The following TJP2 variants were observed in gnomAD, a reference collection of about 807,000 sequenced individuals.
TJP2 encodes Friedreich ataxia region gene X104 (tight junction protein ZO-2).
Under a neutral mutation model 133.1 loss-of-function variants are expected in TJP2, and 91 were observed. The ratio of observed to expected loss-of-function variants is 0.68; its 90% CI spans 0.58 to 0.81. The LOEUF (loss-of-function observed/expected upper bound fraction) is 0.81. TJP2 is among the 40% of genes least tolerant of loss of function. The pLI, the probability that TJP2 is intolerant of heterozygous loss-of-function variation, is 0.00. For missense variants in TJP2, 1,541 were observed against 1,565.6 expected, an observed-to-expected ratio of 0.98 and a Z score of 0.26; for synonymous variants, 592 against 583.4, an observed-to-expected ratio of 1.01 and a Z score of -0.21.
At chr9:69,252,167 C>T (rs1184758523) in intron 21 of TJP2, among the ~76,000 whole-genome samples, 1 of 151,790 alleles carries the variant, frequency 6.6e-6, no homozygotes, top group East Asian at 1.9e-4. Flanking sequence ...GCTAATTTTT[C>T]GTATTTTTTG....
rs373929942 is a variant in TJP2 at position 69,206,670 on chromosome 9, C to T, written c.61-5878C>T. ...TCGGCTCACTGCAAGCTCCACCTCCCGGGTTCGAGCCATTCTCCTGCCTCA... is the reference window on the plus strand; with the variant it reads ...TCGGCTCACTGCAAGCTCCACCTCCTGGGTTCGAGCCATTCTCCTGCCTCA... On this transcript the variant is annotated intron_variant, in intron 1 of 22. Coordinates refer to ENST00000377245, the MANE Select transcript of TJP2 (RefSeq NM_004817.4). Among the ~76,000 whole-genome samples the T allele has an allele frequency of 7.9e-5, 12 of 152,158 alleles. No individual in the cohort carries two copies. In the East Asian group the frequency reaches 1.4e-3, roughly 17 times the overall value.
At chr9:69,205,231 C>G in intron 1 of TJP2, 1 of 1,537,188 alleles carries the variant, frequency 6.5e-7, no homozygotes, top group Non-Finnish European at 8.7e-7. Flanking sequence ...ATGGAAAGGC[C>G]GTGTGAGTCC....
At chr9:69,161,669 T>C (rs1824081895) in intron 2 of TJP2, among the ~76,000 whole-genome samples, 1 of 151,822 alleles carries the variant, frequency 6.6e-6, no homozygotes, top group Admixed American at 6.6e-5. Flanking sequence ...TATTATATAT[T>C]ATTAATATTT....
intron 1 of TJP2, among the ~76,000 whole-genome samples, chr9:69,211,336 CAAACA>C (rs962921858): frequency 4.1e-4 from 62 of 152,174 alleles, no homozygotes; most frequent in African/African-American, 1.1e-3. Flanking sequence ...GACTCCGTCT[CAAACA>C]AAACAAAACA....
chr9:69,196,946 T>TACACACACACACAC (rs746386691), intron 1 of TJP2, among the ~76,000 whole-genome samples: 27,407 of 133,726 alleles, frequency 0.2, 2,946 homozygotes, highest in Admixed American at 0.31. Context: ...TGTGTGTGTG[T>TACACACACACACAC]ACACACACAC....
rs1403138543 is a variant in TJP2, at chr9:69,252,919, G to A, written c.3407+19G>A. 2 of 1,612,518 alleles carry A rather than the reference G, an allele frequency of 1.2e-6. No individual in the cohort carries two copies. Among genetic ancestry groups the A allele is most frequent in the African/African-American group, 2.7e-5 (2 of 74,916 alleles). On this transcript the variant is annotated intron_variant, in intron 22 of 22. Coordinates refer to ENST00000377245, the MANE Select transcript of TJP2 (RefSeq NM_004817.4). ...ACACGAGGTAAGGGCTGCCTAGTGGGTACAGGTCTAAGGCGGGGACTTCTC... is the reference window on the plus strand; with the variant it reads ...ACACGAGGTAAGGGCTGCCTAGTGGATACAGGTCTAAGGCGGGGACTTCTC...
chr9:69,159,473 T>C lies in TJP2; in HGVS notation c.-10+7702T>C, dbSNP rs562819439. On this transcript the variant is annotated intron_variant, in intron 2 of 5. Transcript: ENST00000423935. ...ATAAAATTATTTTTACTTCACATCT[T>C]AAGACTGGTTACTTAAAATAATTAA... Among the ~76,000 whole-genome samples, 238 of 152,374 alleles carry C rather than the reference T, an allele frequency of 1.6e-3. 1 individual carries two copies. Among genetic ancestry groups the C allele is most frequent in the African/African-American group, 5.5e-3 (230 of 41,594 alleles).
intron 1 of TJP2, among the ~76,000 whole-genome samples, chr9:69,131,234 T>C (rs1822482170): frequency 6.6e-6 from 1 of 152,204 alleles, no homozygotes; most frequent in Admixed American, 6.5e-5. Context: ...TTGTGTGTAT[T>C]TGCCTGCTCA....
At chr9:69,181,462 C>G (rs1825506350) in intron 1 of TJP2, among the ~76,000 whole-genome samples, 1 of 152,094 alleles carries the variant, frequency 6.6e-6, no homozygotes, top group Admixed American at 6.5e-5. Flanking sequence ...GTTGGCCAGG[C>G]TGGTCTCGAA....
chr9:69,228,606 G>A (rs1829527895), intron 9 of TJP2, among the ~76,000 whole-genome samples: 1 of 152,210 alleles, frequency 6.6e-6, no homozygotes, highest in Non-Finnish European at 1.5e-5. Flanking sequence ...GTATGTACAT[G>A]TATATGTGTA....
At chr9:69,181,612 T>C (rs1485270602) in intron 1 of TJP2, among the ~76,000 whole-genome samples, 5 of 152,244 alleles carry the variant, frequency 3.3e-5, no homozygotes, top group Non-Finnish European at 7.3e-5. Flanking sequence ...TCTTTTGTGC[T>C]TAAGATTCTG....
intron 1 of TJP2, among the ~76,000 whole-genome samples, chr9:69,133,621 G>C (rs1385188736): frequency 7.1e-6 from 1 of 141,578 alleles, no homozygotes; most frequent in Admixed American, 7.6e-5. Context: ...GCGCGATCTC[G>C]GCTCACTGCA....
chr9:69,248,970 CAAA>C (rs56986564), intron 19 of TJP2: 25,871 of 891,950 alleles, frequency 0.029, 212 homozygotes, highest in African/African-American at 0.13. Flanking sequence ...ATAGAACTAC[CAAA>C]AAAAAAAAAA....
intron 1 of TJP2, among the ~76,000 whole-genome samples, chr9:69,128,611 C>T (rs556500156): frequency 6.6e-6 from 1 of 151,720 alleles, no homozygotes; most frequent in East Asian, 1.9e-4. Context: ...CAAGCTCTGC[C>T]TTCCGGGTTC....
intron 2 of TJP2, among the ~76,000 whole-genome samples, chr9:69,169,160 A>G (rs745340137): frequency 6.6e-5 from 10 of 152,162 alleles, no homozygotes; most frequent in Non-Finnish European, 1.3e-4. Flanking sequence ...ACGTGTCACA[A>G]TGTGTTTACA....
intron 2 of TJP2, among the ~76,000 whole-genome samples, chr9:69,163,251 TCTC>T (rs1824181068): frequency 2.1e-5 from 1 of 47,272 alleles, no homozygotes; most frequent in Non-Finnish European, 4.2e-5. Flanking sequence ...ATGGTCTCGA[TCTC>T]CTGACCTCGT....
intron 14 of TJP2, 90 bp from the exon 15 acceptor site, chr9:69,237,788 A>C: frequency 1.1e-6 from 1 of 921,292 alleles, no homozygotes; most frequent in Middle Eastern, 2.1e-4. Flanking sequence ...TCGTTTAGTT[A>C]TGTTATCAAA....
intron 16 of TJP2, 119 bp from the exon 17 acceptor site, chr9:69,239,818 A>G: frequency 2.2e-6 from 2 of 898,760 alleles, no homozygotes; most frequent in East Asian, 2.7e-5. Flanking sequence ...TATCCCAAAT[A>G]AGTAAACAAA....
chr9:69,140,313 C>CT (rs1292524072), intron 1 of TJP2, among the ~76,000 whole-genome samples: 1 of 152,152 alleles, frequency 6.6e-6, no homozygotes, highest in African/African-American at 2.4e-5. Context: ...AAAAACAACT[C>CT]TATGAGGTAG....
Sources: gnomAD v4.1 joint callset for allele counts (sites outside exome capture counted in the v4.1 genomes callset) on GRCh38, gnomAD v4.1.1 for gene constraint, MANE v1.5 for transcripts, NCBI Gene and HGNC (gene_info 2026-07-23, HGNC 2026-07-21) for gene names.